The following EIF2AK3 variants were observed in gnomAD, a reference collection of about 807,000 sequenced individuals.
EIF2AK3 encodes the protein eukaryotic translation initiation factor 2 alpha kinase 3, also known as eukaryotic translation initiation factor 2-alpha kinase 3.
Under a neutral mutation model 113.5 loss-of-function variants are expected in EIF2AK3, and 50 were observed. The ratio of observed to expected loss-of-function variants is 0.44; its 90% CI spans 0.35 to 0.56. The LOEUF is 0.56. Among genes scored for constraint, EIF2AK3 ranks in the 20% least tolerant of loss-of-function variants. The pLI is 0.00. For missense variants in EIF2AK3, 1,185 were observed against 1,378.0 expected (o/e 0.86, Z 2.22); for synonymous variants, 448 against 495.4 (o/e 0.90, Z 1.27).
chr2:88,622,933 A>C (rs1479055635), intron 1 of EIF2AK3, among the ~76,000 whole-genome samples: 1 of 152,238 alleles, frequency 6.6e-6, no homozygotes, highest in Non-Finnish European at 1.5e-5. Flanking sequence ...AAATATTTTC[A>C]TGTTATCTCA....
In EIF2AK3 at chr2:88,613,842, A is replaced by ATT. The variant is rs1227404936; in HGVS notation, c.318_319dup (p.Ile107LysfsTer6). ...AATTCTCCCATCTAAAGTGCTGATAATTACTAATGACCTGTAAATATTAAA... is the reference window on the plus strand; with the variant it reads ...AATTCTCCCATCTAAAGTGCTGATAATTTTACTAATGACCTGTAAATATTAAA... On this transcript the variant is annotated frameshift_variant, in exon 2 of 17. Transcript: ENST00000303236. LOFTEE classifies it high-confidence loss of function. 1.2e-6 allele frequency: 2 copies of ATT among 1,612,506 alleles called. No individual in the cohort carries two copies. The highest frequency in any genetic ancestry group is 2.7e-5 in the African/African-American group (2 of 74,920).
At position 88,595,227 on chromosome 2, in the gene EIF2AK3, A is replaced by C. The variant is rs982548647; in HGVS notation, c.633+242T>G. On this transcript the variant is annotated intron_variant, in intron 3 of 16. Coordinates refer to ENST00000303236, the MANE Select transcript of EIF2AK3 (RefSeq NM_004836.7). ...GTCTCAAAAAAAAAAAAAAAAAAAA[A>C]AACACCTGAGACACAGTAGACCATA... Among the ~76,000 whole-genome samples, 117 of 150,714 alleles carry C rather than the reference A, an allele frequency of 7.8e-4. 2 individuals carry two copies. In the East Asian group the frequency reaches 0.02, roughly 26 times the overall value.
At chr2:88,608,402 A>G (rs1371417584) in intron 2 of EIF2AK3, among the ~76,000 whole-genome samples, 1 of 152,050 alleles carries the variant, frequency 6.6e-6, no homozygotes, top group Non-Finnish European at 1.5e-5. Context: ...GGAGAAACTG[A>G]CATTCTAACA....
At chr2:88,600,552 A>G (rs1675126277) in intron 2 of EIF2AK3, among the ~76,000 whole-genome samples, 1 of 152,116 alleles carries the variant, frequency 6.6e-6, no homozygotes, top group South Asian at 2.1e-4. Flanking sequence ...TTCCCTGTTC[A>G]TAATTTAAAA....
chr2:88,622,451 G>T (rs1040446247), intron 1 of EIF2AK3, among the ~76,000 whole-genome samples: 2 of 152,202 alleles, frequency 1.3e-5, no homozygotes, highest in African/African-American at 4.8e-5. Context: ...ATAAAGACAG[G>T]TCCTCTCTGC....
At chr2:88,565,253 C>G (rs371040048) in intron 14 of EIF2AK3, among the ~76,000 whole-genome samples, 1 of 151,668 alleles carries the variant, frequency 6.6e-6, no homozygotes, top group East Asian at 1.9e-4. Flanking sequence ...CCAGGCTGGT[C>G]TCGAACTCCT....
chr2:88,575,590 C>G (rs976946584), intron 12 of EIF2AK3, 144 bp from the exon 13 acceptor site: 32 of 856,960 alleles, frequency 3.7e-5, no homozygotes, highest in Middle Eastern at 3.1e-4. Context: ...TAAATAAAAA[C>G]ATGCAATGTG....
chr2:88,586,742 C>A (rs1018396252), intron 8 of EIF2AK3, among the ~76,000 whole-genome samples: 1 of 151,392 alleles, frequency 6.6e-6, no homozygotes, highest in African/African-American at 2.4e-5. Context: ...CACATGTGTA[C>A]CACAATGCCT....
At chr2:88,590,388 G>A (rs1573405330) in intron 6 of EIF2AK3, 55 bp downstream of exon 6, 5 of 1,586,172 alleles carry the variant, frequency 3.2e-6, no homozygotes, top group African/African-American at 2.7e-5. Flanking sequence ...AACAATGTAA[G>A]AAGAAAATCT....
Position 88,576,646 on chromosome 2 carries a change from GT to G in EIF2AK3, c.1943del (p.His648ProfsTer28), listed in dbSNP as rs1674465870. On this transcript the variant is annotated frameshift_variant, in exon 12 of 17. Transcript: ENST00000303236. LOFTEE classifies it high-confidence loss of function. ...REVKALAKLE[H>X]PGIVRYFNAW... ...CATTGAAATATCTAACAATGCCCGG[GT>G]GTTCAAGCTTGGCTAAGGCTTTAAC... The G allele has an allele frequency of 6.2e-7, 1 of 1,613,974 alleles. No individual in the cohort carries two copies.
At position 88,613,791 on chromosome 2, in the gene EIF2AK3, C is replaced by A; in HGVS notation, c.371G>T (p.Gly124Val). ...RIAALDPENH[G>V]KKQWDLDVGS... is the part of the protein sequence containing the mutation. ...CACATCCAAATCCCACTGCTTTTTA[C>A]CATGATTTTCAGGATCCAAGGCAGC... The change falls in exon 2 of 17, where the codon GGT becomes GTT. Residue 124 changes from glycine to valine, a missense_variant. Physicochemically the swap from Gly to Val is moderately radical, Grantham distance 109 (BLOSUM62 -3). This residue lies in a region of EIF2AK3 where 119 missense variants were observed against 178.7 expected (regional missense o/e 0.67). Coordinates refer to ENST00000303236, the MANE Select transcript of EIF2AK3 (RefSeq NM_004836.7). The A allele has an allele frequency of 6.2e-7, 1 of 1,614,018 alleles. No homozygotes were observed. Among genetic ancestry groups the A allele is most frequent in the Non-Finnish European group, 8.5e-7 (1 of 1,179,912 alleles).
At chr2:88,601,837 T>TC (rs1386573039) in intron 2 of EIF2AK3, among the ~76,000 whole-genome samples, 10 of 145,852 alleles carry the variant, frequency 6.9e-5, no homozygotes, top group Non-Finnish European at 1.2e-4. Context: ...GATTTTTCTT[T>TC]TTTTTTTTTT....
intron 9 of EIF2AK3, among the ~76,000 whole-genome samples, chr2:88,585,319 G>A (rs1164198573): frequency 6.6e-6 from 1 of 152,072 alleles, no homozygotes; most frequent in Non-Finnish European, 1.5e-5. Flanking sequence ...AGGCTGGGGA[G>A]GGGAGGGGAA....
chr2:88,563,548 A>T (rs890743423), intron 14 of EIF2AK3, among the ~76,000 whole-genome samples: 12 of 152,224 alleles, frequency 7.9e-5, no homozygotes, highest in African/African-American at 2.9e-4. Flanking sequence ...ATAAGAAGCA[A>T]CTTGGCAATA....
intron 10 of EIF2AK3, among the ~76,000 whole-genome samples, chr2:88,582,679 A>G (rs577102279): frequency 3.7e-4 from 56 of 152,182 alleles, no homozygotes; most frequent in Admixed American, 3.2e-3. Context: ...ACATCTTGTC[A>G]TTTCTGTTTC....
chr2:88,587,003 G>A (rs1307600427), intron 8 of EIF2AK3, among the ~76,000 whole-genome samples: 4 of 147,410 alleles, frequency 2.7e-5, no homozygotes, highest in African/African-American at 4.9e-5. Flanking sequence ...TCAGGAGTTC[G>A]AGAACAGCCT....
At chr2:88,590,405 C>T (rs1287734866) in intron 6 of EIF2AK3, 38 bp downstream of exon 6, 1 of 1,608,068 alleles carries the variant, frequency 6.2e-7, no homozygotes, top group African/African-American at 1.3e-5. Context: ...ATCTAGATGT[C>T]AATGTGTACT....
rs1182218596 is a variant in EIF2AK3, at chr2:88,557,845, T to C, written c.3242A>G (p.Asp1081Gly). 6 of 1,614,018 alleles carry C rather than the reference T, an allele frequency of 3.7e-6. 1 individual carries two copies. The Admixed American group carries it at 1.0e-4, about 27-fold the overall frequency. ...IIENAVFEDL[D>G]FPGKTVLRQR... ...TCTGAGCACTGTTTTTCCTGGAAAG[T>C]CCAAGTCCTCAAATACAGCATTTTC... Residue 1081 changes from aspartate to glycine, a missense_variant, in exon 17 of 17, where the codon GAC (aspartate) becomes GGC (glycine). Physicochemically the swap from Asp to Gly is moderately conservative, Grantham distance 94 (BLOSUM62 -1). This residue lies in a region of EIF2AK3 where 877 missense variants were observed against 1,024.2 expected (regional missense o/e 0.86). Coordinates refer to ENST00000303236, the MANE Select transcript of EIF2AK3 (RefSeq NM_004836.7).
upstream of EIF2AK3, chr2:88,627,741 C>G (rs1341641542): frequency 1.3e-5 from 2 of 155,440 alleles, no homozygotes. Flanking sequence ...ACAGATTGGC[C>G]ATCGCGGTGG....
Sources: allele counts gnomAD v4.1 joint callset (sites outside exome capture counted in the v4.1 genomes callset), GRCh38; gene constraint gnomAD v4.1.1; regional missense constraint gnomAD v4.1.1; transcripts MANE v1.5; gene names NCBI Gene and HGNC (gene_info 2026-07-23, HGNC 2026-07-21).